IGF2BP2: variants seen among roughly 807,000 people sequenced by gnomAD.
The protein encoded by IGF2BP2 is insulin like growth factor 2 mRNA binding protein 2, also known as insulin-like growth factor 2 mRNA-binding protein 2.
A neutral mutation model predicts 75.8 loss-of-function variants in IGF2BP2; 17 were observed. The ratio of observed to expected loss-of-function variants is 0.22; its 90% CI spans 0.15 to 0.34. The LOEUF is 0.34. Among genes scored for constraint, IGF2BP2 ranks in the 10% least tolerant of loss-of-function variants. IGF2BP2 has a pLI of 1.00. For synonymous variants in IGF2BP2, 288 were observed against 295.6 expected, an observed-to-expected ratio of 0.97 and a Z score of 0.26; for missense variants, 516 against 772.4, an observed-to-expected ratio of 0.67 and a Z score of 3.93.
chr3:185,754,418 C>A (rs1172752731), intron 2 of IGF2BP2, among the ~76,000 whole-genome samples: 4 of 152,124 alleles, frequency 2.6e-5, no homozygotes, highest in Non-Finnish European at 5.9e-5. Context: ...ATAAATTACC[C>A]AGTCTCCGGT....
chr3:185,686,345 C>T (rs909125996), intron 7 of IGF2BP2, among the ~76,000 whole-genome samples: 1 of 150,826 alleles, frequency 6.6e-6, no homozygotes, highest in African/African-American at 2.4e-5. Context: ...GATTGCACTA[C>T]TGCACTCCAG....
intron 2 of IGF2BP2, among the ~76,000 whole-genome samples, chr3:185,785,066 A>G (rs1443547378): frequency 6.6e-6 from 1 of 152,078 alleles, no homozygotes; most frequent in Non-Finnish European, 1.5e-5. Context: ...TTTGGGAGGC[A>G]GGGGCAGGCA....
At chr3:185,649,566 A>T (rs764499000) in intron 13 of IGF2BP2, 32 bp from the exon 14 acceptor site, 6 of 1,612,756 alleles carry the variant, frequency 3.7e-6, no homozygotes, top group South Asian at 2.2e-5. Context: ...AATGACTCTC[A>T]GTCAGCCAGC....
intron 1 of IGF2BP2, 61 bp downstream of exon 1, chr3:185,824,722 C>T: frequency 2.5e-6 from 3 of 1,210,396 alleles, no homozygotes; most frequent in Non-Finnish European, 2.1e-6. Flanking sequence ...GGCCTCCCTC[C>T]CGGCGCCGTC....
intron 2 of IGF2BP2, among the ~76,000 whole-genome samples, chr3:185,714,776 C>A (rs781244233): frequency 1.3e-4 from 20 of 152,178 alleles, no homozygotes; most frequent in Non-Finnish European, 2.2e-4. Context: ...AGCAAGACTC[C>A]ATCCCTATCA....
At chr3:185,795,011 C>T (rs1334882239) in intron 2 of IGF2BP2, among the ~76,000 whole-genome samples, 1 of 152,084 alleles carries the variant, frequency 6.6e-6, no homozygotes, top group East Asian at 1.9e-4. Context: ...CATTCTCTTG[C>T]CTCAGCCTCC....
chr3:185,766,265 A>C (rs887693083), intron 2 of IGF2BP2, among the ~76,000 whole-genome samples: 2 of 152,220 alleles, frequency 1.3e-5, no homozygotes, highest in African/African-American at 2.4e-5. Context: ...TTGCCACTAC[A>C]TTAAGGCAAA....
intron 2 of IGF2BP2, among the ~76,000 whole-genome samples, chr3:185,778,476 G>A (rs370714809): frequency 6.6e-6 from 1 of 152,116 alleles, no homozygotes; most frequent in Non-Finnish European, 1.5e-5. Flanking sequence ...CATTATTTGG[G>A]ACCTGCTGTA....
At chr3:185,814,795 T>C (rs1740383411) in intron 2 of IGF2BP2, among the ~76,000 whole-genome samples, 1 of 152,114 alleles carries the variant, frequency 6.6e-6, no homozygotes, top group South Asian at 2.1e-4. Flanking sequence ...GAGATAAAAG[T>C]AACAAATGCA....
intron 6 of IGF2BP2, 99 bp from the exon 7 acceptor site, chr3:185,687,290 G>C (rs970346519): frequency 7.9e-7 from 1 of 1,266,576 alleles, no homozygotes; most frequent in Non-Finnish European, 1.1e-6. Flanking sequence ...CAAGGACACA[G>C]ACAGACAAGG....
chr3:185,665,718 G>A (rs1008625373), intron 10 of IGF2BP2, among the ~76,000 whole-genome samples: 6 of 152,204 alleles, frequency 3.9e-5, no homozygotes, highest in African/African-American at 1.4e-4. Flanking sequence ...TGTAATCCCA[G>A]CACTTTGGGA....
intron 10 of IGF2BP2, among the ~76,000 whole-genome samples, chr3:185,658,764 G>A (rs1715901672): frequency 2.0e-5 from 3 of 152,204 alleles, no homozygotes; most frequent in Non-Finnish European, 4.4e-5. Flanking sequence ...CCTGCCCTCG[G>A]GTGGAGAGGC....
At chr3:185,648,447 G>A (rs1299753300) in intron 14 of IGF2BP2, among the ~76,000 whole-genome samples, 5 of 140,930 alleles carry the variant, frequency 3.5e-5, no homozygotes, top group Non-Finnish European at 6.1e-5. Flanking sequence ...TGGGTGACAA[G>A]AGCGAAACTC....
Position 185,785,877 on chromosome 3 carries a change from T to G in IGF2BP2, c.239+37276A>C, listed in dbSNP as rs1320171314. 2.0e-5 allele frequency among the ~76,000 whole-genome samples: 3 copies of G among 152,168 alleles called. 1 individual carries two copies. The highest frequency in any genetic ancestry group is 7.2e-5 in the African/African-American group (3 of 41,446). ...TGTGTAAACCATTTCTAGACTGAAT[T>G]GGTCATTAAAAGTAGATCTAAGGAT... On this transcript the variant is annotated intron_variant, in intron 2 of 15. Transcript: ENST00000382199.
At chr3:185,754,067 G>T (rs1731293537) in intron 2 of IGF2BP2, among the ~76,000 whole-genome samples, 1 of 152,004 alleles carries the variant, frequency 6.6e-6, no homozygotes, top group Admixed American at 6.6e-5. Context: ...ACATTAGCTG[G>T]GTGTTGTGGT....
chr3:185,700,515 A>C (rs1451755292), intron 2 of IGF2BP2, among the ~76,000 whole-genome samples: 1 of 152,244 alleles, frequency 6.6e-6, no homozygotes, highest in Non-Finnish European at 1.5e-5. Context: ...GCAATAGTTC[A>C]GAATAAAACT....
intron 15 of IGF2BP2, among the ~76,000 whole-genome samples, chr3:185,646,009 A>G (rs544671882): frequency 6.6e-6 from 1 of 152,264 alleles, no homozygotes; most frequent in East Asian, 1.9e-4. Flanking sequence ...TGTGAGGGAC[A>G]GGGGAGGGAG....
chr3:185,802,513 C>T (rs1337202798), intron 2 of IGF2BP2, among the ~76,000 whole-genome samples: 2 of 152,218 alleles, frequency 1.3e-5, no homozygotes, highest in South Asian at 2.1e-4. Flanking sequence ...GCTAATGCAT[C>T]GTAGTGGGTG....
chr3:185,804,325 G>C (rs888513928), intron 2 of IGF2BP2, among the ~76,000 whole-genome samples: 2 of 151,500 alleles, frequency 1.3e-5, no homozygotes, highest in Non-Finnish European at 2.9e-5. Context: ...CCAGCTACTC[G>C]GGAGGCTGAG....
Sources: gnomAD v4.1 joint callset for allele counts (sites outside exome capture counted in the v4.1 genomes callset) on GRCh38, gnomAD v4.1.1 for gene constraint, MANE v1.5 for transcripts, NCBI Gene and HGNC (gene_info 2026-07-23, HGNC 2026-07-21) for gene names.